The following TICRR variants were observed in gnomAD, a reference collection of about 807,000 sequenced individuals.
TICRR encodes TOPBP1 interacting checkpoint and replication regulator.
TICRR carries 132 observed loss-of-function variants against 178.1 expected under a neutral mutation model. The ratio of observed to expected loss-of-function variants is 0.74; its 90% confidence interval spans 0.64 to 0.86. The LOEUF (loss-of-function observed/expected upper bound fraction) is 0.86. TICRR is among the 40% of genes least tolerant of loss of function. TICRR has a pLI of 0.00. For synonymous variants in TICRR, 991 were observed against 900.7 expected, an observed-to-expected ratio of 1.10 and a Z score of -1.79; for missense variants, 2,587 against 2,334.3, an observed-to-expected ratio of 1.11 and a Z score of -2.23.
intron 5 of TICRR, among the ~76,000 whole-genome samples, chr15:89,593,428 G>A (rs986713697): frequency 2.0e-5 from 3 of 152,098 alleles, no homozygotes; most frequent in African/African-American, 4.8e-5. Context: ...ATCCAGGCCC[G>A]GCATGGTGGC....
intron 1 of TICRR, among the ~76,000 whole-genome samples, chr15:89,577,675 C>T (rs1041701601): frequency 8.3e-6 from 1 of 120,026 alleles, no homozygotes; most frequent in African/African-American, 3.2e-5. Flanking sequence ...GTGGCGTGAT[C>T]TCGGCTCACT....
At chr15:89,586,796 G>A (rs1962831122) in intron 4 of TICRR, among the ~76,000 whole-genome samples, 2 of 152,210 alleles carry the variant, frequency 1.3e-5, no homozygotes, top group Admixed American at 1.3e-4. Context: ...AGTGAAAGGA[G>A]CAAGGAGAGA....
At chr15:89,616,772 C>A (rs551078175) in intron 16 of TICRR, among the ~76,000 whole-genome samples, 1 of 152,206 alleles carries the variant, frequency 6.6e-6, no homozygotes, top group South Asian at 2.1e-4. Context: ...AGATACTCCA[C>A]GGTTTTTAAA....
In TICRR at chr15:89,582,906, C is replaced by T; in HGVS notation, c.875C>T (p.Ser292Phe). Reference sequence around the variant, plus strand: ...ACTTTAAACCGTTTGCTCTACAATTCTCCTGAGTATGAGGCCTCGTTTCCA... The same window carrying T: ...ACTTTAAACCGTTTGCTCTACAATTTTCCTGAGTATGAGGCCTCGTTTCCA... ...DATLNRLLYNSPEYEASFPRM... is the reference protein window; with the variant it reads ...DATLNRLLYNFPEYEASFPRM... Residue 292 changes from serine to phenylalanine, a missense_variant, in exon 2 of 22, where the codon TCT becomes TTT. Coordinates refer to ENST00000268138, the MANE Select transcript of TICRR (RefSeq NM_152259.4). 1 of 1,614,116 alleles carries T rather than the reference C, an allele frequency of 6.2e-7. No homozygotes were observed. Among genetic ancestry groups the T allele is most frequent in the South Asian group, 1.1e-5 (1 of 91,076 alleles).
chr15:89,608,905 T>C lies in TICRR; in HGVS notation c.2825T>C (p.Val942Ala). ...CCTAGAAGCCATTCTGTGTCAGCTG[T>C]GGATGGTCTAGAGGATAAACTTGAC... is the stretch of plus-strand genomic sequence containing the variant. ...GLPRSHSVSA[V>A]DGLEDKLDNF... The change falls in exon 15 of 22, where the codon GTG (valine) becomes GCG (alanine). Residue 942 changes from valine to alanine, a missense_variant. Coordinates refer to ENST00000268138, the MANE Select transcript of TICRR (RefSeq NM_152259.4). 1 of 1,611,194 alleles carries C rather than the reference T, an allele frequency of 6.2e-7. No homozygotes were observed. Among genetic ancestry groups the C allele is most frequent in the South Asian group, 1.1e-5 (1 of 90,506 alleles).
intron 21 of TICRR, among the ~76,000 whole-genome samples, 191 bp from the exon 22 acceptor site, chr15:89,626,765 G>A (rs141295462): frequency 1.2e-4 from 18 of 152,262 alleles, no homozygotes; most frequent in African/African-American, 3.9e-4. Flanking sequence ...CTGCCAGCAC[G>A]GTGCATAGCT....
chr15:89,624,251 C>T lies in TICRR; in HGVS notation c.3941C>T (p.Ser1314Phe), dbSNP rs766049207. The T allele has an allele frequency of 1.2e-6, 2 of 1,614,102 alleles. No homozygotes were observed. The highest frequency in any genetic ancestry group is 1.3e-5 in the African/African-American group (1 of 74,932). Residue 1314 changes from serine (S) to phenylalanine (F), a missense_variant, in exon 20 of 22, where the codon TCT (serine) becomes TTT (phenylalanine). Coordinates refer to ENST00000268138, the MANE Select transcript of TICRR (RefSeq NM_152259.4). Reference sequence around the variant, plus strand: ...GTTACGCCAAAGAAACTGTTTACCTCTCCTTTATGTGATGTCTCCAAGAAG... The same window carrying T: ...GTTACGCCAAAGAAACTGTTTACCTTTCCTTTATGTGATGTCTCCAAGAAG... ...PPVTPKKLFT[S>F]PLCDVSKKSP...
At chr15:89,621,585 TCTC>T (rs778098810) in intron 19 of TICRR, 35 bp downstream of exon 19, 7 of 1,565,134 alleles carry the variant, frequency 4.5e-6, no homozygotes, top group Middle Eastern at 3.4e-4. Context: ...AATAATATAA[TCTC>T]CTGGAACACA....
At chr15:89,597,870 A>G (rs1055986568) in intron 7 of TICRR, among the ~76,000 whole-genome samples, 1 of 152,124 alleles carries the variant, frequency 6.6e-6, no homozygotes, top group Non-Finnish European at 1.5e-5. Flanking sequence ...TGAACATGGA[A>G]TATCTCTCCA....
Position 89,584,298 on chromosome 15 carries a change from T to C in TICRR, c.947T>C (p.Ile316Thr). ...TCTTTATTTCTAGCAGGCAAAGAGATTCAAGAAACATGGACAGTCACCCTA... is the reference window on the plus strand; with the variant it reads ...TCTTTATTTCTAGCAGGCAAAGAGACTCAAGAAACATGGACAGTCACCCTA... ...LFLPVEAGKE[I>T]QETWTVTLEP... The change falls in exon 3 of 22, where the codon ATT (isoleucine) becomes ACT (threonine). Residue 316 changes from isoleucine (I) to threonine (T), a missense_variant. Ile to Thr is a moderately conservative substitution (Grantham distance 89). Coordinates refer to ENST00000268138, the MANE Select transcript of TICRR (RefSeq NM_152259.4). 1 of 1,605,042 alleles carries C rather than the reference T, an allele frequency of 6.2e-7. No homozygotes were observed. Among genetic ancestry groups the C allele is most frequent in the Non-Finnish European group, 8.5e-7 (1 of 1,176,012 alleles).
intron 19 of TICRR, among the ~76,000 whole-genome samples, chr15:89,622,702 CG>C (rs1389882621): frequency 6.6e-6 from 1 of 152,190 alleles, no homozygotes; most frequent in East Asian, 1.9e-4. Flanking sequence ...CACCCCTCCC[CG>C]CTCCACCTCC....
chr15:89,596,119 A>G (rs946656233), intron 7 of TICRR, among the ~76,000 whole-genome samples: 7 of 152,200 alleles, frequency 4.6e-5, no homozygotes, highest in African/African-American at 9.7e-5. Flanking sequence ...GACCTGCACA[A>G]TAGTGGGCAA....
chr15:89,586,638 G>C (rs62023128), intron 4 of TICRR, among the ~76,000 whole-genome samples: 7,500 of 152,268 alleles, frequency 0.049, 219 homozygotes, highest in East Asian at 0.096. Flanking sequence ...GCAATTTTAA[G>C]TAGGGTGGTC....
intron 13 of TICRR, among the ~76,000 whole-genome samples, chr15:89,603,263 A>G (rs549048843): frequency 2.0e-4 from 31 of 152,318 alleles, no homozygotes; most frequent in Middle Eastern, 3.4e-3. Flanking sequence ...GTGCTTTTCA[A>G]TATGTTATAT....
rs932414833 is a variant in TICRR, at chr15:89,576,329, C to T, written c.654+89C>T. On this transcript the variant is annotated intron_variant, in intron 1 of 21. Transcript: ENST00000268138. ...GCAGCGTCCTTAGAACAGCCACAGA[C>T]CCCGAATGAGACTAATATGACTATG... The T allele has an allele frequency of 6.4e-6, 8 of 1,243,620 alleles. No homozygotes were observed. In the Admixed American group the frequency reaches 1.7e-4, roughly 27 times the overall value. 77.0% of individuals were successfully genotyped at this position (1,243,620 alleles called of 1,614,324 possible).
rs777716342 is a variant in TICRR at position 89,623,701 on chromosome 15, C to G, written c.3391C>G (p.Pro1131Ala). The G allele has an allele frequency of 3.7e-6, 6 of 1,614,104 alleles. No homozygotes were observed. The highest frequency in any genetic ancestry group is 5.1e-6 in the Non-Finnish European group (6 of 1,180,014). ...AAGGATCTCTCATACACCACAAACT[C>G]CGTTGTATACTCCAGAAAGGCTGCA... is the stretch of plus-strand genomic sequence containing the variant. ...PRRISHTPQT[P>A]LYTPERLQKS... The change falls in exon 20 of 22, where the codon CCG becomes GCG. Residue 1131 changes from proline (P) to alanine (A), a missense_variant. Coordinates refer to ENST00000268138, the MANE Select transcript of TICRR (RefSeq NM_152259.4).
rs1237534505 is a variant in TICRR, at chr15:89,627,925, G to C, written c.*839G>C. On this transcript the variant is annotated 3_prime_UTR_variant, in exon 22 of 22. Coordinates refer to ENST00000268138, the MANE Select transcript of TICRR (RefSeq NM_152259.4). ...TCAAGCCTGTTGTGTTCCCAAATCT[G>C]ATTCCTCCTATTGTCTTGTAAATCA... The C allele has an allele frequency of 1.3e-5, 2 of 153,732 alleles. No individual in the cohort carries two copies. Among genetic ancestry groups the C allele is most frequent in the African/African-American group, 2.4e-5 (1 of 41,472 alleles). The allele number at this position is 153,732 out of a possible 1,614,324, so 9.5% of individuals were successfully genotyped here. A position where few individuals can be genotyped will look rare whatever the true frequency, so the allele number is the denominator to read the frequency against.
In TICRR at chr15:89,584,540, C is replaced by G. The variant is rs1396578529; in HGVS notation, c.1176+13C>G. 1.3e-6 allele frequency: 2 copies of G among 1,529,558 alleles called. No homozygotes were observed. Among genetic ancestry groups the G allele is most frequent in the East Asian group, 4.6e-5 (2 of 43,718 alleles). 94.7% of individuals were successfully genotyped at this position (1,529,558 alleles called of 1,614,324 possible). A position where few individuals can be genotyped will look rare whatever the true frequency, so the allele number is the denominator to read the frequency against. ...AGAGTTACACCTGGTAGGTATCCTC[C>G]ACACGGGAAGTTATTCTTGTCTAAC... On this transcript the variant is annotated intron_variant, in intron 3 of 21. Transcript: ENST00000268138.
At chr15:89,606,244 C>G (rs1436261142) in intron 13 of TICRR, among the ~76,000 whole-genome samples, 2 of 152,194 alleles carry the variant, frequency 1.3e-5, no homozygotes, top group African/African-American at 2.4e-5. Flanking sequence ...TCACAGATCT[C>G]TATGTTAGTA....
Sources: gnomAD v4.1 joint callset for allele counts (sites outside exome capture counted in the v4.1 genomes callset) on GRCh38, gnomAD v4.1.1 for gene constraint, MANE v1.5 for transcripts, NCBI Gene and HGNC (gene_info 2026-07-23, HGNC 2026-07-21) for gene names.